DYRK1B: variants seen among roughly 807,000 people sequenced by gnomAD.
DYRK1B encodes the protein dual specificity tyrosine phosphorylation regulated kinase 1B.
DYRK1B carries 20 observed loss-of-function variants against 57.1 expected under a neutral mutation model. The ratio of observed to expected loss-of-function variants is 0.35; its 90% CI spans 0.25 to 0.51. DYRK1B has a LOEUF of 0.51. Among genes scored for constraint, DYRK1B ranks in the 20% least tolerant of loss-of-function variants. The pLI is 0.96. For synonymous variants in DYRK1B, 409 were observed against 384.7 expected, an observed-to-expected ratio of 1.06 and a Z score of -0.74; for missense variants, 732 against 886.3, an observed-to-expected ratio of 0.83 and a Z score of 2.21.
intron 1 of DYRK1B, chr19:39,832,893 G>GT: frequency 1.0e-6 from 1 of 984,146 alleles, no homozygotes; most frequent in Non-Finnish European, 1.2e-6. Context: ...ACAGTTTAGA[G>GT]TGATCATCCT....
chr19:39,832,472 CCTT>C (rs1968862943), intron 1 of DYRK1B, among the ~76,000 whole-genome samples: 2 of 152,096 alleles, frequency 1.3e-5, no homozygotes, highest in Non-Finnish European at 2.9e-5. Context: ...TAAGATCTAT[CCTT>C]CTCAGTAGAT....
chr19:39,831,047 C>T (rs1329074908), intron 2 of DYRK1B, among the ~76,000 whole-genome samples: 2 of 152,178 alleles, frequency 1.3e-5, no homozygotes, highest in African/African-American at 2.4e-5. Flanking sequence ...TCACCCCTCA[C>T]CTTTACTCCT....
chr19:39,831,978 G>C lies in DYRK1B; in HGVS notation c.-101-10C>G. ...CCACCGCCGCTGAGACCTGAGAGCAGACAGGAAGTGGGAAAACAACATGGA... is the reference window on the plus strand; with the variant it reads ...CCACCGCCGCTGAGACCTGAGAGCACACAGGAAGTGGGAAAACAACATGGA... On this transcript the variant is annotated splice_polypyrimidine_tract_variant and intron_variant, in intron 1 of 10. Coordinates refer to ENST00000323039, the MANE Select transcript of DYRK1B (RefSeq NM_004714.3). The C allele has an allele frequency of 7.0e-7, 1 of 1,420,810 alleles. No individual in the cohort carries two copies. Among genetic ancestry groups the C allele is most frequent in the Non-Finnish European group, 9.2e-7 (1 of 1,089,762 alleles). The allele number at this position is 1,420,810 out of a possible 1,614,324, so 88.0% of individuals were successfully genotyped here. A position where few individuals can be genotyped will look rare whatever the true frequency, so the allele number is the denominator to read the frequency against.
chr19:39,830,057 G>C lies in DYRK1B; in HGVS notation c.373-30C>G, dbSNP rs746619434. ...TGGGGCAGGGCATGTCACGAAGAAA[G>C]GGGTGGGAGCAGGGCAGAGCCAGGC... On this transcript the variant is annotated intron_variant, in intron 4 of 10. Coordinates refer to ENST00000323039, the MANE Select transcript of DYRK1B (RefSeq NM_004714.3). The C allele has an allele frequency of 1.9e-6, 3 of 1,611,944 alleles. No homozygotes were observed. In the South Asian group the frequency reaches 3.3e-5, roughly 18 times the overall value.
rs1293210937 is a variant in DYRK1B, at chr19:39,828,073, T to G, written c.807+224A>C. Among the ~76,000 whole-genome samples, 3 of 152,092 alleles carry G rather than the reference T, an allele frequency of 2.0e-5. No individual in the cohort carries two copies. The highest frequency in any genetic ancestry group is 4.4e-5 in the Non-Finnish European group (3 of 68,012). Reference sequence around the variant, plus strand: ...ACCCCTGGCTCAAACCCAACCCAACTTCACCCTGTTCACATCTGGCAGCTT... The same window carrying G: ...ACCCCTGGCTCAAACCCAACCCAACGTCACCCTGTTCACATCTGGCAGCTT... On this transcript the variant is annotated intron_variant, in intron 6 of 10. Coordinates refer to ENST00000323039, the MANE Select transcript of DYRK1B (RefSeq NM_004714.3). The surrounding 1 kb of genome is among the most constrained non-coding windows in gnomAD (Gnocchi z 4.3).
chr19:39,825,406 A>G lies in DYRK1B; in HGVS notation c.*309T>C, dbSNP rs1599635272. ...AGGAGGAGCAAGGCCATCTCCCCCT[A>G]CCTGCCCCCACCCCCTCCTAGGGTC... On this transcript the variant is annotated 3_prime_UTR_variant, in exon 11 of 11. Coordinates refer to ENST00000323039, the MANE Select transcript of DYRK1B (RefSeq NM_004714.3). 2.8e-6 allele frequency: 1 copy of G among 354,666 alleles called. No individual in the cohort carries two copies. Among genetic ancestry groups the G allele is most frequent in the African/African-American group, 2.2e-5 (1 of 46,176 alleles). The allele number at this position is 354,666 out of a possible 1,614,324, so 22.0% of individuals were successfully genotyped here.
At position 39,828,641 on chromosome 19, in the gene DYRK1B, T is replaced by C. The variant is rs1968657493; in HGVS notation, c.521-58A>G. The stretch of plus-strand genomic sequence containing the variant: ...GAAACGGCTCAGAGAGGGCAGGTGG[T>C]GGCCTGGGGTCATACAACGCTCTTT... On this transcript the variant is annotated intron_variant, in intron 5 of 10. Transcript: ENST00000323039. The surrounding 1 kb of genome is among the most constrained non-coding windows in gnomAD (Gnocchi z 4.3). 2 of 1,536,536 alleles carry C rather than the reference T, an allele frequency of 1.3e-6. No homozygotes were observed. Among genetic ancestry groups the C allele is most frequent in the African/African-American group, 2.7e-5 (2 of 73,606 alleles).
Position 39,826,556 on chromosome 19 carries a change from A to G in DYRK1B, c.1411+116T>C, listed in dbSNP as rs1482978076. ...TCTCCCATCCCACACGTCATCTTAC[A>G]GTTCAGGATCAGTTTCGGCGCTTTG... On this transcript the variant is annotated intron_variant, in intron 9 of 10. Transcript: ENST00000323039. This position sits in a 1 kb window ranked among gnomAD's most constrained non-coding sequence, Gnocchi z 6.3. 1.7e-5 allele frequency: 20 copies of G among 1,179,136 alleles called. No individual in the cohort carries two copies. Among genetic ancestry groups the G allele is most frequent in the Non-Finnish European group, 2.3e-5 (20 of 875,508 alleles). 73.0% of individuals were successfully genotyped at this position (1,179,136 alleles called of 1,614,324 possible).
chr19:39,828,239 G>T lies in DYRK1B; in HGVS notation c.807+58C>A. The T allele has an allele frequency of 6.4e-7, 1 of 1,567,770 alleles. No individual in the cohort carries two copies. Among genetic ancestry groups the T allele is most frequent in the Non-Finnish European group, 8.7e-7 (1 of 1,150,920 alleles). ...GCCAAGCCCCGCCCCTAAGCCTCCC[G>T]TTGGCTCTGCCCCACCCAAACTACT... On this transcript the variant is annotated intron_variant, in intron 6 of 10. Transcript: ENST00000323039. The surrounding 1 kb of genome is among the most constrained non-coding windows in gnomAD (Gnocchi z 4.3).
At position 39,825,589 on chromosome 19, in the gene DYRK1B, G is replaced by T; in HGVS notation, c.*126C>A. ...CCCCCTGCCCCAGGCCCCAATCAGT[G>T]CAGGCCTCACCCACCCCAGCTGGGT... On this transcript the variant is annotated 3_prime_UTR_variant, in exon 11 of 11. Coordinates refer to ENST00000323039, the MANE Select transcript of DYRK1B (RefSeq NM_004714.3). The T allele has an allele frequency of 2.9e-6, 3 of 1,050,452 alleles. No homozygotes were observed. The highest frequency in any genetic ancestry group is 4.1e-6 in the Non-Finnish European group (3 of 723,594). 65.1% of individuals were successfully genotyped at this position (1,050,452 alleles called of 1,614,324 possible).
At chr19:39,832,971 C>T (rs1031096621) in intron 1 of DYRK1B, 1 of 985,132 alleles carries the variant, frequency 1.0e-6, no homozygotes, top group African/African-American at 1.7e-5. Context: ...CTACCACAGA[C>T]CTTTCTCCAG....
intron 4 of DYRK1B, 108 bp downstream of exon 4, chr19:39,830,267 G>C (rs767239644): frequency 9.2e-6 from 13 of 1,409,012 alleles, no homozygotes; most frequent in Non-Finnish European, 1.3e-5. Flanking sequence ...GGGAAACTAA[G>C]TGGGCTAGGG....
At chr19:39,830,335 A>G (rs552203795) in intron 4 of DYRK1B, 40 bp downstream of exon 4, 3 of 1,612,224 alleles carry the variant, frequency 1.9e-6, no homozygotes, top group Non-Finnish European at 1.7e-6. Flanking sequence ...GATCAATGTT[A>G]GTGGGGCCTT....
intron 6 of DYRK1B, among the ~76,000 whole-genome samples, chr19:39,827,861 C>T (rs1029222468): frequency 1.3e-5 from 2 of 152,082 alleles, no homozygotes; most frequent in Admixed American, 1.3e-4. Flanking sequence ...CTGGCCTAGA[C>T]AGACCCTGAT....
intron 5 of DYRK1B, 25 bp downstream of exon 5, chr19:39,829,855 C>A (rs370825131): frequency 1.2e-6 from 2 of 1,609,158 alleles, no homozygotes; most frequent in South Asian, 1.1e-5. Context: ...CAGGTGCCCA[C>A]AGCCCTGCCA....
intron 1 of DYRK1B, chr19:39,832,907 C>G (rs1968886623): frequency 1.0e-6 from 1 of 984,670 alleles, no homozygotes; most frequent in Admixed American, 6.2e-5. Context: ...TCATCCTTTT[C>G]TCCCCTACAC....
chr19:39,826,299 G>A lies in DYRK1B; in HGVS notation c.1412-13C>T. Reference sequence around the variant, plus strand: ...CCACTGGAGCCTCCTGGAAGTGCCAGGGAGGAGAGGTGAAGGGGCATAAGG... The same window carrying A: ...CCACTGGAGCCTCCTGGAAGTGCCAAGGAGGAGAGGTGAAGGGGCATAAGG... On this transcript the variant is annotated splice_polypyrimidine_tract_variant and intron_variant, in intron 9 of 10. Coordinates refer to ENST00000323039, the MANE Select transcript of DYRK1B (RefSeq NM_004714.3). This position sits in a 1 kb window ranked among gnomAD's most constrained non-coding sequence, Gnocchi z 6.3. 1 of 1,558,154 alleles carries A rather than the reference G, an allele frequency of 6.4e-7. No homozygotes were observed. The highest frequency in any genetic ancestry group is 8.6e-7 in the Non-Finnish European group (1 of 1,156,898).
chr19:39,834,023 C>G lies in DYRK1B; in HGVS notation c.-102G>C, dbSNP rs1968959599. On this transcript the variant is annotated splice_region_variant and 5_prime_UTR_variant, in exon 1 of 11. Coordinates refer to ENST00000323039, the MANE Select transcript of DYRK1B (RefSeq NM_004714.3). ...GCCCCACCCGTCCCCGCGCCGTTAC[C>G]TGAAGGAGCGGGCAAGGGGACTCAA... 6.4e-6 allele frequency: 1 copy of G among 156,740 alleles called. No homozygotes were observed. Among genetic ancestry groups the G allele is most frequent in the Admixed American group, 6.4e-5 (1 of 15,674 alleles). 9.7% of individuals were successfully genotyped at this position (156,740 alleles called of 1,614,324 possible). A position where few individuals can be genotyped will look rare whatever the true frequency, so the allele number is the denominator to read the frequency against.
In DYRK1B at chr19:39,827,267, A is replaced by G. The variant is rs1968586093; in HGVS notation, c.1095+18T>C. ...GGGGCCACGGGGTGGGAGGAGTGGC[A>G]TGGGGCAGGGGCCGCACCTTCCTGA... On this transcript the variant is annotated intron_variant, in intron 8 of 10. Transcript: ENST00000323039. The G allele has an allele frequency of 1.3e-6, 2 of 1,596,660 alleles. No homozygotes were observed. Among genetic ancestry groups the G allele is most frequent in the South Asian group, 2.2e-5 (2 of 89,666 alleles).
Sources: gnomAD v4.1 joint callset for allele counts (sites outside exome capture counted in the v4.1 genomes callset) on GRCh38, gnomAD v4.1.1 for gene constraint, Gnocchi (gnomAD v3.1) non-coding constraint, MANE v1.5 for transcripts, NCBI Gene and HGNC (gene_info 2026-07-23, HGNC 2026-07-21) for gene names.